Variants in PSD3 observed in about 807,000 individuals in gnomAD.
The protein encoded by PSD3 is PH and SEC7 domain-containing protein 3.
A neutral mutation model predicts 105.5 loss-of-function variants in PSD3; 49 were observed. That is an observed-to-expected ratio of 0.46 (90% CI 0.37 to 0.59). The LOEUF (loss-of-function observed/expected upper bound fraction) is 0.59, where lower values mean the gene tolerates loss of function less well. Among genes scored for constraint, PSD3 ranks in the 20% least tolerant of loss-of-function variants. PSD3 has a pLI of 0.00. For synonymous variants in PSD3, 557 were observed against 457.8 expected (o/e 1.22, Z -2.77); for missense variants, 1,561 against 1,263.8 (o/e 1.24, Z -3.57).
At chr8:18,995,183 G>T (rs770869307) in intron 1 of PSD3, among the ~76,000 whole-genome samples, 18 of 152,146 alleles carry the variant, frequency 1.2e-4, no homozygotes, top group Non-Finnish European at 2.4e-4. Context: ...CCAGTACTGG[G>T]ACTTTGCCTA....
At chr8:19,018,359 TAA>T (rs33971629), upstream of PSD3, among the ~76,000 whole-genome samples, 3,452 of 149,772 alleles carry the variant, frequency 0.023, 144 homozygotes, top group African/African-American at 0.079. Context: ...ATGCTCTTTT[TAA>T]AAAAAAAAAA....
chr8:18,773,429 T>C (rs1807736264), intron 8 of PSD3, among the ~76,000 whole-genome samples: 1 of 152,184 alleles, frequency 6.6e-6, no homozygotes, highest in Non-Finnish European at 1.5e-5. Flanking sequence ...ACTCTAACTC[T>C]GTTCTTTTTC....
chr8:19,077,856 A>C (rs1236060865), intron 1 of PSD3, among the ~76,000 whole-genome samples: 1 of 152,132 alleles, frequency 6.6e-6, no homozygotes, highest in Non-Finnish European at 1.5e-5. Context: ...GCTAATCTCC[A>C]CCTTTTTGGT....
chr8:18,828,729 G>C (rs1050272760), intron 4 of PSD3, among the ~76,000 whole-genome samples: 2 of 152,138 alleles, frequency 1.3e-5, no homozygotes, highest in African/African-American at 2.4e-5. Context: ...GGGAGGCTGA[G>C]GCAAGCAGAT....
At chr8:18,708,721 T>C (rs184583408) in intron 9 of PSD3, among the ~76,000 whole-genome samples, 429 of 152,162 alleles carry the variant, frequency 2.8e-3, no homozygotes, top group Non-Finnish European at 5.1e-3. Context: ...AGCTCTCCTC[T>C]GTGGCTCCCA....
rs1799620043 is a variant in PSD3 at position 18,531,261 on chromosome 8, A to C, written c.*4482T>G. ...TTTCCTGCTGTTGCATTCAAGTCAA[A>C]CTGTCATGCAGATTCAAGTATTTAA... On this transcript the variant is annotated 3_prime_UTR_variant, in exon 16 of 16. Coordinates refer to ENST00000327040, the MANE Select transcript of PSD3 (RefSeq NM_015310.4). The C allele has an allele frequency of 6.5e-6, 1 of 152,676 alleles. No individual in the cohort carries two copies. Among genetic ancestry groups the C allele is most frequent in the East Asian group, 1.9e-4 (1 of 5,204 alleles). The allele number at this position is 152,676 out of a possible 1,614,324, so 9.5% of individuals were successfully genotyped here. A position where few individuals can be genotyped will look rare whatever the true frequency, so the allele number is the denominator to read the frequency against.
intron 2 of PSD3, among the ~76,000 whole-genome samples, chr8:18,924,329 T>C (rs2129467735): frequency 6.6e-6 from 1 of 152,328 alleles, no homozygotes; most frequent in Non-Finnish European, 1.5e-5. Context: ...TGAGCAAGTC[T>C]AACACATACT....
chr8:18,595,540 C>A (rs950399688), intron 12 of PSD3, among the ~76,000 whole-genome samples: 2 of 151,110 alleles, frequency 1.3e-5, no homozygotes, highest in African/African-American at 4.9e-5. Context: ...ACAAGAGACT[C>A]ACTTTAGATT....
intron 4 of PSD3, among the ~76,000 whole-genome samples, chr8:18,858,508 TC>T (rs1444025828): frequency 6.6e-6 from 1 of 152,168 alleles, no homozygotes; most frequent in African/African-American, 2.4e-5. Flanking sequence ...ACAAAATATT[TC>T]TCTGTAGCCT....
rs1305704505 is a variant in PSD3 at position 18,891,021 on chromosome 8, C to G, written c.131-18288G>C. ...GGAAAGATCAAAAAAGAGCAGGAAG[C>G]AGATCTCACAGCAGGTCTCTGTCAG... On this transcript the variant is annotated intron_variant, in intron 2 of 15. Coordinates refer to ENST00000327040, the MANE Select transcript of PSD3 (RefSeq NM_015310.4). Among the ~76,000 whole-genome samples, 3 of 152,176 alleles carry G rather than the reference C, an allele frequency of 2.0e-5. No homozygotes were observed. In the East Asian group the frequency reaches 5.8e-4, roughly 29 times the overall value.
intron 1 of PSD3, among the ~76,000 whole-genome samples, chr8:19,006,832 C>G (rs1443806638): frequency 6.6e-6 from 1 of 152,086 alleles, no homozygotes; most frequent in Non-Finnish European, 1.5e-5. Context: ...TCCAAGACAG[C>G]TCTGCAGGTG....
At chr8:18,950,505 C>A (rs1823168064) in intron 1 of PSD3, among the ~76,000 whole-genome samples, 1 of 152,142 alleles carries the variant, frequency 6.6e-6, no homozygotes, top group South Asian at 2.1e-4. Flanking sequence ...CCAACTGAGG[C>A]TTTGCACCCT....
intron 1 of PSD3, among the ~76,000 whole-genome samples, chr8:18,991,308 C>G (rs1488171898): frequency 6.6e-6 from 1 of 151,704 alleles, no homozygotes. Flanking sequence ...TGTGTTTACT[C>G]TCTCGGACAA....
intron 11 of PSD3, among the ~76,000 whole-genome samples, chr8:18,617,964 C>T (rs563764944): frequency 1.3e-5 from 2 of 152,148 alleles, no homozygotes; most frequent in Non-Finnish European, 2.9e-5. Context: ...AGAGAATCTC[C>T]CTCCCTTGCT....
intron 1 of PSD3, among the ~76,000 whole-genome samples, chr8:19,012,351 A>G (rs191240302): frequency 6.6e-6 from 1 of 152,352 alleles, no homozygotes; most frequent in Admixed American, 6.5e-5. Context: ...TAACTGCTGA[A>G]GAGGAATTTC....
rs774154184 is a variant in PSD3 at position 18,799,288 on chromosome 8, C to T, written c.2082+7G>A. Reference sequence around the variant, plus strand: ...TTTGGATCTAAGTTTCACAAATCCACACTTACGTGGCCATGTAGATCGGTA... The same window carrying T: ...TTTGGATCTAAGTTTCACAAATCCATACTTACGTGGCCATGTAGATCGGTA... On this transcript the variant is annotated splice_region_variant and intron_variant, in intron 8 of 15. Transcript: ENST00000327040. The T allele has an allele frequency of 5.0e-6, 8 of 1,595,580 alleles. No individual in the cohort carries two copies. The Admixed American group carries it at 1.0e-4, about 20-fold the overall frequency.
chr8:18,867,763 C>A lies in PSD3; in HGVS notation c.1545G>T (p.Met515Ile). The A allele has an allele frequency of 1.2e-6, 2 of 1,614,132 alleles. No individual in the cohort carries two copies. Among genetic ancestry groups the A allele is most frequent in the Non-Finnish European group, 1.7e-6 (2 of 1,180,014 alleles). Residue 515 changes from methionine to isoleucine, a missense_variant, in exon 4 of 16, where the codon ATG becomes ATT. Transcript: ENST00000327040. ...LSVSADGGIVMGYSSGVTNGL... is the reference protein window; with the variant it reads ...LSVSADGGIVIGYSSGVTNGL... Reference sequence around the variant, plus strand: ...CATTGGTGACGCCACTAGAATAGCCCATCACGATGCCACCATCTGCAGACA... The same window carrying A: ...CATTGGTGACGCCACTAGAATAGCCAATCACGATGCCACCATCTGCAGACA...
intron 4 of PSD3, among the ~76,000 whole-genome samples, chr8:18,821,308 T>C: frequency 6.6e-6 from 1 of 151,884 alleles, no homozygotes; most frequent in African/African-American, 2.4e-5. Context: ...TAAATGAGAA[T>C]GATATTTTGT....
chr8:18,808,961 C>T (rs947590974), intron 4 of PSD3: 19 of 1,420,290 alleles, frequency 1.3e-5, no homozygotes, highest in East Asian at 1.3e-4. Flanking sequence ...GTTGCGGTTT[C>T]TGTAATGTTT....
Sources: gnomAD v4.1 joint callset for allele counts (sites outside exome capture counted in the v4.1 genomes callset) on GRCh38, gnomAD v4.1.1 for gene constraint, MANE v1.5 for transcripts, NCBI Gene and HGNC (gene_info 2026-07-23, HGNC 2026-07-21) for gene names.